UNC13C: variants seen among roughly 807,000 people sequenced by gnomAD.
UNC13C encodes the protein protein unc-13 homolog C.
In UNC13C, 174 loss-of-function variants were observed where a neutral mutation model predicts 245.4. The observed-to-expected ratio is 0.71, with a 90% CI of 0.63 to 0.80. UNC13C has a LOEUF of 0.80. UNC13C is among the 30% of genes least tolerant of loss of function. The pLI, the probability that UNC13C is intolerant of heterozygous loss-of-function variation, is 0.00. For missense variants in UNC13C, 2,829 were observed against 2,602.9 expected, an observed-to-expected ratio of 1.09 and a Z score of -1.89; for synonymous variants, 992 against 895.1, an observed-to-expected ratio of 1.11 and a Z score of -1.93.
chr15:54,445,294 G>T (rs1411892981), intron 19 of UNC13C, among the ~76,000 whole-genome samples: 1 of 152,084 alleles, frequency 6.6e-6, no homozygotes, highest in Non-Finnish European at 1.5e-5. Context: ...ATGTGTCTCT[G>T]TAGCAGCATG....
chr15:54,398,413 T>A (rs1257723075), intron 18 of UNC13C, among the ~76,000 whole-genome samples: 1 of 151,386 alleles, frequency 6.6e-6, no homozygotes, highest in East Asian at 1.9e-4. Context: ...TGGTTTTATT[T>A]TCTTATAGTG....
the UNC13C span, among the ~76,000 whole-genome samples, chr15:53,838,048 T>C: frequency 6.6e-6 from 1 of 152,160 alleles, no homozygotes; most frequent in Non-Finnish European, 1.5e-5. Flanking sequence ...AAAATTTTGC[T>C]ATAAAAATAT....
chr15:54,491,738 C>T (rs1280218495), intron 19 of UNC13C, among the ~76,000 whole-genome samples: 1 of 152,134 alleles, frequency 6.6e-6, no homozygotes, highest in Non-Finnish European at 1.5e-5. Context: ...CACGGTGGCT[C>T]ACGCTTGTAA....
intron 4 of UNC13C, among the ~76,000 whole-genome samples, chr15:54,215,835 T>C (rs2035022962): frequency 6.6e-6 from 1 of 151,996 alleles, no homozygotes; most frequent in African/African-American, 2.4e-5. Flanking sequence ...CAATCCATCA[T>C]GAAAAGCACT....
chr15:54,494,311 A>T (rs1167593530), intron 19 of UNC13C, among the ~76,000 whole-genome samples: 1 of 152,170 alleles, frequency 6.6e-6, no homozygotes, highest in Non-Finnish European at 1.5e-5. Flanking sequence ...TTGCAGATAA[A>T]CAGAAATTTT....
intron 4 of UNC13C, among the ~76,000 whole-genome samples, chr15:54,210,639 C>T (rs887070620): frequency 6.6e-6 from 1 of 152,056 alleles, no homozygotes; most frequent in Non-Finnish European, 1.5e-5. Flanking sequence ...ATGTTCTCTA[C>T]TTTAAGAACT....
chr15:54,183,388 C>T (rs1333826812), intron 4 of UNC13C, among the ~76,000 whole-genome samples: 1 of 151,008 alleles, frequency 6.6e-6, no homozygotes, highest in Admixed American at 6.7e-5. Context: ...GCAGTTCTGA[C>T]TATGCTATTA....
the UNC13C span, among the ~76,000 whole-genome samples, chr15:53,957,631 A>T: frequency 6.6e-6 from 1 of 152,208 alleles, no homozygotes; most frequent in Non-Finnish European, 1.5e-5. Flanking sequence ...TAAGCAAATC[A>T]TTTTGTTTTA....
chr15:53,846,061 C>G, the UNC13C span, among the ~76,000 whole-genome samples: 1,018 of 152,212 alleles, frequency 6.7e-3, 6 homozygotes, highest in Non-Finnish European at 9.6e-3. Flanking sequence ...ACAAAATAGG[C>G]TTTGTATTAG....
At chr15:54,375,699 T>G (rs56090546) in intron 17 of UNC13C, among the ~76,000 whole-genome samples, 32,423 of 152,078 alleles carry the variant, frequency 0.21, 3,510 homozygotes, top group Middle Eastern at 0.25. Context: ...CAAGCCTTCC[T>G]GAATTCTAGA....
chr15:54,422,639 T>G lies in UNC13C; in HGVS notation c.4933+7572T>G, dbSNP rs1266075370. On this transcript the variant is annotated intron_variant, in intron 19 of 32. Transcript: ENST00000260323. Reference sequence around the variant, plus strand: ...TCTTCCCACACCAGGGCATTCATATTTGCTTGCTTTTCTGCCTATGAAGCT... The same window carrying G: ...TCTTCCCACACCAGGGCATTCATATGTGCTTGCTTTTCTGCCTATGAAGCT... Among the ~76,000 whole-genome samples, 6 of 151,932 alleles carry G rather than the reference T, an allele frequency of 3.9e-5. No individual in the cohort carries two copies. The East Asian group carries it at 1.2e-3, about 30-fold the overall frequency.
chr15:54,325,255 C>G (rs1881370081), intron 14 of UNC13C, among the ~76,000 whole-genome samples: 1 of 151,626 alleles, frequency 6.6e-6, no homozygotes, highest in African/African-American at 2.4e-5. Flanking sequence ...ACATTGAAGG[C>G]ACACACACAC....
chr15:54,501,054 A>G, intron 22 of UNC13C, 76 bp downstream of exon 22: 5 of 1,477,464 alleles, frequency 3.4e-6, no homozygotes, highest in Non-Finnish European at 4.6e-6. Context: ...TTGTGGTGTT[A>G]GTCTTCTCTG....
chr15:54,001,202 A>C (rs1894870372), intron 1 of UNC13C, among the ~76,000 whole-genome samples: 1 of 152,188 alleles, frequency 6.6e-6, no homozygotes, highest in Non-Finnish European at 1.5e-5. Flanking sequence ...ACACCCTGGT[A>C]CATTGCTTTG....
At chr15:54,268,584 T>G (rs4398057) in intron 10 of UNC13C, among the ~76,000 whole-genome samples, 2,323 of 152,252 alleles carry the variant, frequency 0.015, 27 homozygotes, top group South Asian at 0.037. Context: ...TGGACATACT[T>G]AAGTTACATG....
chr15:54,059,486 C>G (rs577200902), intron 2 of UNC13C, among the ~76,000 whole-genome samples: 1 of 152,194 alleles, frequency 6.6e-6, no homozygotes, highest in East Asian at 1.9e-4. Context: ...AATGGAAGAA[C>G]ATTCCATGCT....
intron 13 of UNC13C, among the ~76,000 whole-genome samples, chr15:54,313,734 C>T (rs544856615): frequency 7.9e-5 from 12 of 151,430 alleles, no homozygotes; most frequent in Admixed American, 7.3e-4. Flanking sequence ...CAAACACATT[C>T]CAGAAGGAAC....
At chr15:54,416,447 A>G (rs991910675) in intron 19 of UNC13C, among the ~76,000 whole-genome samples, 2 of 152,170 alleles carry the variant, frequency 1.3e-5, no homozygotes, top group Admixed American at 1.3e-4. Flanking sequence ...AATCTTTAAA[A>G]TCACACCAGA....
chr15:53,841,125 T>C, the UNC13C span, among the ~76,000 whole-genome samples: 2 of 152,192 alleles, frequency 1.3e-5, no homozygotes, highest in South Asian at 2.1e-4. Flanking sequence ...GCAATTCATA[T>C]ACATTATCTC....
Sources: gnomAD v4.1 joint callset for allele counts (sites outside exome capture counted in the v4.1 genomes callset) on GRCh38, gnomAD v4.1.1 for gene constraint, MANE v1.5 for transcripts, NCBI Gene and HGNC (gene_info 2026-07-23, HGNC 2026-07-21) for gene names.